The following COL27A1 variants were observed in gnomAD, a reference collection of about 807,000 sequenced individuals.
The protein encoded by COL27A1 is collagen type XXVII alpha 1 chain, also known as collagen alpha-1(XXVII) chain.
COL27A1 carries 106 observed loss-of-function variants against 251.3 expected under a neutral mutation model. The ratio of observed to expected loss-of-function variants is 0.42; its 90% CI spans 0.36 to 0.50. COL27A1 has a LOEUF of 0.50. Ranked by LOEUF, COL27A1 falls within the 20% of genes least tolerant of loss-of-function variation. The pLI is 0.00. For synonymous variants in COL27A1, 1,000 were observed against 986.3 expected (o/e 1.01, Z -0.26); for missense variants, 2,325 against 2,522.8 (o/e 0.92, Z 1.68).
At chr9:114,226,380 G>T (rs1831469612) in intron 14 of COL27A1, among the ~76,000 whole-genome samples, 1 of 152,168 alleles carries the variant, frequency 6.6e-6, no homozygotes, top group East Asian at 1.9e-4. Context: ...GCCCTCTGAG[G>T]GTAGGAAGTG....
At position 114,169,016 on chromosome 9, in the gene COL27A1, A is replaced by ATCC; in HGVS notation, c.1464_1466dup (p.Ser490dup). 1 of 1,613,914 alleles carries ATCC rather than the reference A, an allele frequency of 6.2e-7. No individual in the cohort carries two copies. The highest frequency in any genetic ancestry group is 1.1e-5 in the South Asian group (1 of 91,068). Reference sequence around the variant, plus strand: ...ACAAACCTCCCCCATTTACTGCTTTATCCTCATCTCCTGCCCCTACTCCTG... The same window carrying ATCC: ...ACAAACCTCCCCCATTTACTGCTTTATCCTCCTCATCTCCTGCCCCTACTCCTG... On this transcript the variant is annotated inframe_insertion, in exon 3 of 61. Coordinates refer to ENST00000356083, the MANE Select transcript of COL27A1 (RefSeq NM_032888.4).
At position 114,246,067 on chromosome 9, in the gene COL27A1, C is replaced by T. The variant is rs568612891; in HGVS notation, c.2979+157C>T. On this transcript the variant is annotated intron_variant, in intron 24 of 60. Transcript: ENST00000356083. The stretch of plus-strand genomic sequence containing the variant: ...CCTCTACCCCTTTCACGAATGTGGA[C>T]GGTGACCCTCAGAACGGGGAAGTCT... The T allele has an allele frequency of 3.3e-5, 20 of 601,952 alleles. No homozygotes were observed. In the East Asian group the frequency reaches 4.0e-4, roughly 12 times the overall value. 37.3% of individuals were successfully genotyped at this position (601,952 alleles called of 1,614,324 possible).
chr9:114,209,390 C>CCCTGGCGTGGGGCGGGCCT lies in COL27A1; in HGVS notation c.2269-280_2269-262dup, dbSNP rs749964312. The CCCTGGCGTGGGGCGGGCCT allele has an allele frequency of 1.1e-5, 8 of 711,022 alleles. 1 individual carries two copies. Among genetic ancestry groups the CCCTGGCGTGGGGCGGGCCT allele is most frequent in the South Asian group, 9.6e-5 (7 of 72,926 alleles). The allele number at this position is 711,022 out of a possible 1,614,324, so 44.0% of individuals were successfully genotyped here. ...GAGCTTCCTTCTGCAGGTCCTGGAG[C>CCCTGGCGTGGGGCGGGCCT]CCTGGCGTGGGGCGGGCCTCCTGCC... On this transcript the variant is annotated intron_variant, in intron 10 of 60. Coordinates refer to ENST00000356083, the MANE Select transcript of COL27A1 (RefSeq NM_032888.4).
chr9:114,279,140 G>A (rs1245965589), intron 37 of COL27A1, among the ~76,000 whole-genome samples: 2 of 152,214 alleles, frequency 1.3e-5, no homozygotes, highest in Non-Finnish European at 2.9e-5. Flanking sequence ...ACTGGAAAAT[G>A]CCACCAATCA....
rs141056235 is a variant in COL27A1, at chr9:114,242,820, T to A, written c.2880+589T>A. ...TATTTATTCATTCATTGAAGATTAATCATAAACTCATTTCCTGTTGATAAA... is the reference window on the plus strand; with the variant it reads ...TATTTATTCATTCATTGAAGATTAAACATAAACTCATTTCCTGTTGATAAA... On this transcript the variant is annotated intron_variant, in intron 22 of 60. Coordinates refer to ENST00000356083, the MANE Select transcript of COL27A1 (RefSeq NM_032888.4). 1.2e-3 allele frequency among the ~76,000 whole-genome samples: 189 copies of A among 152,348 alleles called. 1 individual carries two copies. Among genetic ancestry groups the A allele is most frequent in the African/African-American group, 4.3e-3 (180 of 41,580 alleles).
chr9:114,179,391 GCCTGGGA>G (rs1248678862), intron 4 of COL27A1, among the ~76,000 whole-genome samples: 4 of 152,190 alleles, frequency 2.6e-5, no homozygotes, highest in Admixed American at 1.3e-4. Context: ...GGACCTTGCA[GCCTGGGA>G]CCAGGATGAG....
chr9:114,307,439 G>A (rs1220546169), intron 58 of COL27A1: 1 of 536,082 alleles, frequency 1.9e-6, no homozygotes, highest in Non-Finnish European at 3.3e-6. Flanking sequence ...TAGCAACATA[G>A]GCAAGTACTT....
intron 1 of COL27A1, among the ~76,000 whole-genome samples, chr9:114,159,953 C>G (rs1350503763): frequency 6.6e-6 from 1 of 152,220 alleles, no homozygotes; most frequent in African/African-American, 2.4e-5. Flanking sequence ...TCTCCCCAGG[C>G]AACCCCAGGG....
At chr9:114,256,058 A>G (rs1429200460) in intron 27 of COL27A1, among the ~76,000 whole-genome samples, 1 of 152,206 alleles carries the variant, frequency 6.6e-6, no homozygotes, top group Non-Finnish European at 1.5e-5. Flanking sequence ...AGAGATGATC[A>G]TTGCCACTAT....
chr9:114,231,094 T>G lies in COL27A1; in HGVS notation c.2482T>G (p.Leu828Val). Residue 828 changes from leucine to valine, a missense_variant, in exon 15 of 61, where the codon TTG becomes GTG. Leu to Val is a conservative substitution (Grantham distance 32, BLOSUM62 1). Transcript: ENST00000356083. ...CTCCCCACAGGGTGACTTAGGAGTG[T>G]TGGGTCCGATTGGCTACCCGGGACC... is the stretch of plus-strand genomic sequence containing the variant. Reference protein sequence around the residue: ...VPGLIGDLGVLGPIGYPGPKG... With the variant: ...VPGLIGDLGVVGPIGYPGPKG... 6.2e-7 allele frequency: 1 copy of G among 1,613,380 alleles called. No homozygotes were observed. Among genetic ancestry groups the G allele is most frequent in the Non-Finnish European group, 8.5e-7 (1 of 1,179,644 alleles).
chr9:114,200,512 G>C (rs557813177), intron 7 of COL27A1, among the ~76,000 whole-genome samples: 1 of 152,214 alleles, frequency 6.6e-6, no homozygotes, highest in Non-Finnish European at 1.5e-5. Flanking sequence ...TGAATAACTG[G>C]ATGAATGAAT....
intron 4 of COL27A1, among the ~76,000 whole-genome samples, chr9:114,180,540 A>G (rs574604673): frequency 2.6e-5 from 4 of 152,246 alleles, no homozygotes; most frequent in Middle Eastern, 3.4e-3. Flanking sequence ...TGGAAATTCC[A>G]TAGATTATAA....
intron 19 of COL27A1, among the ~76,000 whole-genome samples, chr9:114,238,071 C>G (rs1023996732): frequency 6.6e-6 from 1 of 152,234 alleles, no homozygotes; most frequent in African/African-American, 2.4e-5. Flanking sequence ...AGCCCTGGAA[C>G]TTTCCTAGCC....
chr9:114,175,568 G>A (rs987857761), intron 3 of COL27A1, among the ~76,000 whole-genome samples: 1 of 152,194 alleles, frequency 6.6e-6, no homozygotes, highest in Admixed American at 6.5e-5. Flanking sequence ...AGCTGGGGCC[G>A]CCCCGTCAAG....
chr9:114,278,917 A>G (rs887553296), intron 37 of COL27A1, among the ~76,000 whole-genome samples: 6 of 152,058 alleles, frequency 3.9e-5, no homozygotes, highest in Non-Finnish European at 7.4e-5. Flanking sequence ...ATGCATCTAT[A>G]TGGATGGGGC....
rs1348945895 is a variant in COL27A1 at position 114,302,105 on chromosome 9, A to C, written c.4869A>C (p.Gln1623His). The C allele has an allele frequency of 1.2e-6, 2 of 1,612,542 alleles. No individual in the cohort carries two copies. The highest frequency in any genetic ancestry group is 1.7e-6 in the Non-Finnish European group (2 of 1,178,670). The change falls in exon 56 of 61, where the codon CAA becomes CAC. Residue 1623 changes from glutamine to histidine, a missense_variant. By Grantham distance (24) the Gln-to-His change is conservative. Transcript: ENST00000356083. ...AGGGTCCTCCAGGGGGTCCTATCCA[A>C]TTGGTAAGTTGGAAACCTTCTCTTT... ...GPPGPPGGPIQLQQDDLGAAF... is the reference protein window; with the variant it reads ...GPPGPPGGPIHLQQDDLGAAF...
At chr9:114,237,272 G>A (rs761455875) in intron 18 of COL27A1, among the ~76,000 whole-genome samples, 1 of 152,224 alleles carries the variant, frequency 6.6e-6, no homozygotes, top group Non-Finnish European at 1.5e-5. Flanking sequence ...CTCTGATGAG[G>A]ATCTGGGGTT....
intron 25 of COL27A1, 96 bp downstream of exon 25, chr9:114,250,764 A>C (rs115349067): frequency 2.1e-4 from 218 of 1,050,480 alleles, no homozygotes; most frequent in Middle Eastern, 2.1e-4. Flanking sequence ...ATTTCAGAAT[A>C]CCCTCCCCTA....
At position 114,223,747 on chromosome 9, in the gene COL27A1, C is replaced by G. The variant is rs72762631; in HGVS notation, c.2466+1480C>G. Among the ~76,000 whole-genome samples, 825 of 152,278 alleles carry G rather than the reference C, an allele frequency of 5.4e-3. 8 individuals carry two copies. Among genetic ancestry groups the G allele is most frequent in the Non-Finnish European group, 7.3e-3 (495 of 68,018 alleles). ...ATCCTGAGCAAAATTTTTAACCACC[C>G]TATGCCTCGGTTTCTTCATCTGTAA... On this transcript the variant is annotated intron_variant, in intron 14 of 60. Coordinates refer to ENST00000356083, the MANE Select transcript of COL27A1 (RefSeq NM_032888.4).
Sources: allele counts gnomAD v4.1 joint callset (sites outside exome capture counted in the v4.1 genomes callset), GRCh38; gene constraint gnomAD v4.1.1; transcripts MANE v1.5; gene names NCBI Gene and HGNC (gene_info 2026-07-23, HGNC 2026-07-21).